Variants in FCHSD2 observed in about 807,000 individuals in gnomAD.
FCHSD2 encodes FCH and double SH3 domains 2.
In FCHSD2, 38 loss-of-function variants were observed where a neutral mutation model predicts 108.1. The observed-to-expected ratio is 0.35, with a 90% CI of 0.27 to 0.46. The LOEUF is 0.46. Ranked by LOEUF, FCHSD2 falls within the 20% of genes least tolerant of loss-of-function variation. The pLI, the probability that FCHSD2 is intolerant of heterozygous loss-of-function variation, is 1.00. For missense variants in FCHSD2, 751 were observed against 897.8 expected, an observed-to-expected ratio of 0.84 and a Z score of 2.09; for synonymous variants, 279 against 314.7, an observed-to-expected ratio of 0.89 and a Z score of 1.20.
intron 4 of FCHSD2, among the ~76,000 whole-genome samples, chr11:73,003,775 T>C (rs566269176): frequency 1.3e-5 from 2 of 151,788 alleles, no homozygotes; most frequent in South Asian, 4.2e-4. Context: ...CGTAAAAATT[T>C]TATTTCACCA....
At chr11:72,976,808 T>C (rs1297039673) in intron 8 of FCHSD2, among the ~76,000 whole-genome samples, 1 of 152,192 alleles carries the variant, frequency 6.6e-6, no homozygotes, top group Non-Finnish European at 1.5e-5. Context: ...GGGGGAAAAG[T>C]GCTGGGAAAA....
intron 12 of FCHSD2, among the ~76,000 whole-genome samples, chr11:72,879,992 T>G (rs1424471101): frequency 1.7e-5 from 2 of 120,528 alleles, no homozygotes; most frequent in East Asian, 4.4e-4. Context: ...AGAGTGAAAT[T>G]CTGTCTCAAA....
chr11:73,014,634 T>C (rs1857930879), intron 4 of FCHSD2, among the ~76,000 whole-genome samples: 2 of 152,146 alleles, frequency 1.3e-5, no homozygotes, highest in African/African-American at 2.4e-5. Context: ...ATTCAACAGC[T>C]TGATTTCGTA....
chr11:72,844,682 C>T (rs979134441), intron 14 of FCHSD2, among the ~76,000 whole-genome samples: 1 of 152,126 alleles, frequency 6.6e-6, no homozygotes, highest in Non-Finnish European at 1.5e-5. Flanking sequence ...TAAAAGCTTT[C>T]CCCAAGTCCC....
intron 2 of FCHSD2, among the ~76,000 whole-genome samples, chr11:73,094,165 C>T (rs1260245722): frequency 1.3e-5 from 2 of 151,962 alleles, no homozygotes; most frequent in African/African-American, 2.4e-5. Flanking sequence ...GAGCCAAGAC[C>T]ACGCCAATGC....
chr11:72,960,419 T>C (rs143099261), intron 8 of FCHSD2, among the ~76,000 whole-genome samples: 46 of 152,290 alleles, frequency 3.0e-4, no homozygotes, highest in African/African-American at 9.4e-4. Flanking sequence ...TGCTGCTCCT[T>C]TGGATTTAAA....
At chr11:73,018,995 A>G (rs1200197334) in intron 3 of FCHSD2, among the ~76,000 whole-genome samples, 1 of 152,240 alleles carries the variant, frequency 6.6e-6, no homozygotes, top group African/African-American at 2.4e-5. Context: ...TAACAAGTAT[A>G]CAACATAATA....
intron 3 of FCHSD2, among the ~76,000 whole-genome samples, chr11:73,038,202 C>T (rs1858545715): frequency 6.6e-6 from 1 of 151,858 alleles, no homozygotes; most frequent in East Asian, 1.9e-4. Flanking sequence ...ATTAACTGGG[C>T]GTGGTAGTGC....
chr11:72,887,426 G>T, intron 12 of FCHSD2, 44 bp downstream of exon 12: 1 of 1,202,292 alleles, frequency 8.3e-7, no homozygotes, highest in Non-Finnish European at 1.2e-6. Flanking sequence ...CTGTGACAGT[G>T]TCATTAGACC....
At chr11:73,116,904 G>A (rs1012403690) in intron 2 of FCHSD2, among the ~76,000 whole-genome samples, 30 of 150,738 alleles carry the variant, frequency 2.0e-4, no homozygotes, top group African/African-American at 6.6e-4. Context: ...TTTATTCTTC[G>A]GTAAGAGTAA....
At chr11:72,993,437 C>T (rs1591466158) in intron 5 of FCHSD2, among the ~76,000 whole-genome samples, 1 of 152,174 alleles carries the variant, frequency 6.6e-6, no homozygotes, top group Admixed American at 6.5e-5. Context: ...ATAAATCATG[C>T]TGCTATAGAG....
At chr11:73,069,966 A>AAGACCAGGTAG (rs1220738425) in intron 3 of FCHSD2, among the ~76,000 whole-genome samples, 30 of 152,358 alleles carry the variant, frequency 2.0e-4, no homozygotes, top group Admixed American at 1.8e-3. Context: ...GTAATAGATC[A>AAGACCAGGTAG]AGACCAGGTA....
chr11:73,108,326 T>G (rs1860395830), intron 2 of FCHSD2, among the ~76,000 whole-genome samples: 2 of 152,250 alleles, frequency 1.3e-5, no homozygotes, highest in South Asian at 2.1e-4. Context: ...GATAAAGAGT[T>G]TGCAAACACT....
intron 3 of FCHSD2, among the ~76,000 whole-genome samples, chr11:73,082,999 T>A (rs1430090851): frequency 6.6e-6 from 1 of 152,202 alleles, no homozygotes; most frequent in African/African-American, 2.4e-5. Context: ...AAAAGCTCCA[T>A]GTCATCCACT....
chr11:73,138,471 C>T (rs1861173172), intron 2 of FCHSD2, among the ~76,000 whole-genome samples: 1 of 152,182 alleles, frequency 6.6e-6, no homozygotes, highest in Non-Finnish European at 1.5e-5. Flanking sequence ...CACTTACACA[C>T]TAATTCTGCC....
chr11:73,118,494 GGAGTA>G (rs1274341101), intron 2 of FCHSD2, among the ~76,000 whole-genome samples: 3 of 152,062 alleles, frequency 2.0e-5, no homozygotes, highest in African/African-American at 4.8e-5. Context: ...ATATAATTCT[GGAGTA>G]TAGTATACAG....
At chr11:72,963,236 A>G (rs903543320) in intron 8 of FCHSD2, among the ~76,000 whole-genome samples, 6 of 152,228 alleles carry the variant, frequency 3.9e-5, no homozygotes, top group African/African-American at 7.2e-5. Context: ...TTAAAATTAA[A>G]TAACATCTTA....
intron 8 of FCHSD2, among the ~76,000 whole-genome samples, chr11:72,954,891 C>G (rs988175881): frequency 2.6e-5 from 4 of 152,198 alleles, no homozygotes; most frequent in South Asian, 2.1e-4. Flanking sequence ...CACACACACA[C>G]AGATATATAC....
In FCHSD2 at chr11:73,064,822, T is replaced by C. The variant is rs570382455; in HGVS notation, c.165+18873A>G. ...TCTAAACCAGAAAGAAGTCGAATCC[T>C]TGAATAAACCAATAACAAGTTCTGA... On this transcript the variant is annotated intron_variant, in intron 3 of 19. Coordinates refer to ENST00000409418, the MANE Select transcript of FCHSD2 (RefSeq NM_014824.3). Among the ~76,000 whole-genome samples, 180 of 152,198 alleles carry C rather than the reference T, an allele frequency of 1.2e-3. 1 individual carries two copies. Among genetic ancestry groups the C allele is most frequent in the African/African-American group, 4.1e-3 (172 of 41,554 alleles).
Sources: allele counts gnomAD v4.1 joint callset (sites outside exome capture counted in the v4.1 genomes callset), GRCh38; gene constraint gnomAD v4.1.1; transcripts MANE v1.5; gene names NCBI Gene and HGNC (gene_info 2026-07-23, HGNC 2026-07-21).